MEPE: variants seen among roughly 807,000 people sequenced by gnomAD.
MEPE encodes matrix, extracellular phosphoglycoprotein with ASARM motif (bone).
A neutral mutation model predicts 7.3 loss-of-function variants in MEPE; 7 were observed. The ratio of observed to expected loss-of-function variants is 0.95; its 90% CI spans 0.54 to 1.79. The LOEUF (loss-of-function observed/expected upper bound fraction) is 1.79, where lower values mean the gene tolerates loss of function less well. Ranked by LOEUF, MEPE falls within the 40% of genes most tolerant of loss-of-function variation. The pLI is 0.00. For synonymous variants in MEPE, 214 were observed against 213.1 expected, an observed-to-expected ratio of 1.00 and a Z score of -0.04; for missense variants, 623 against 628.2, an observed-to-expected ratio of 0.99 and a Z score of 0.09.
At position 87,845,786 on chromosome 4, in the gene MEPE, C is replaced by A; in HGVS notation, c.918C>A (p.Ile306=). The A allele has an allele frequency of 2.5e-6, 4 of 1,613,860 alleles. No homozygotes were observed. The highest frequency in any genetic ancestry group is 3.4e-6 in the Non-Finnish European group (4 of 1,179,950). Residue 306 remains isoleucine, a synonymous_variant, in exon 4 of 4, where the codon ATC becomes ATA. Coordinates refer to ENST00000361056, the MANE Select transcript of MEPE (RefSeq NM_020203.6). ...CAAAAAAGCCAGGTTATAATGAGAT[C>A]CCAGAGAGAGAAGAAAATGGTGGAA... ...LDTKKPGYNE[I]PEREENGGNT...
At chr4:87,821,942 C>A (rs1310438881) in intron 1 of MEPE, among the ~76,000 whole-genome samples, 1 of 152,146 alleles carries the variant, frequency 6.6e-6, no homozygotes, top group Non-Finnish European at 1.5e-5. Flanking sequence ...ATATGCAGCA[C>A]AAGACCACTT....
chr4:87,828,604 A>G (rs931952083), upstream of MEPE, among the ~76,000 whole-genome samples: 6 of 152,208 alleles, frequency 3.9e-5, no homozygotes, highest in African/African-American at 1.4e-4. Flanking sequence ...AAAAAGCCTT[A>G]TTCCTGGGTG....
At chr4:87,836,345 G>C (rs1459440462) in intron 2 of MEPE, among the ~76,000 whole-genome samples, 1 of 152,036 alleles carries the variant, frequency 6.6e-6, no homozygotes, top group African/African-American at 2.4e-5. Flanking sequence ...GAAAGACTTT[G>C]TTATAAGTCA....
At position 87,845,862 on chromosome 4, in the gene MEPE, G is replaced by A. The variant is rs977152931; in HGVS notation, c.994G>A (p.Val332Ile). The A allele has an allele frequency of 1.9e-6, 3 of 1,614,060 alleles. No individual in the cohort carries two copies. Among genetic ancestry groups the A allele is most frequent in the Non-Finnish European group, 2.5e-6 (3 of 1,179,974 alleles). The change falls in exon 4 of 4, where the codon GTC (valine) becomes ATC (isoleucine). Residue 332 changes from valine to isoleucine, a missense_variant. Coordinates refer to ENST00000361056, the MANE Select transcript of MEPE (RefSeq NM_020203.6). ...TGCGAAAGAGGCAGATGCTGTTGAT[G>A]TCAGCCTTGTAGAGGGCAGCAACGA... is the stretch of plus-strand genomic sequence containing the variant. ...ETAKEADAVDVSLVEGSNDIM... is the reference protein window; with the variant it reads ...ETAKEADAVDISLVEGSNDIM...
chr4:87,839,512 C>T (rs1263835380), intron 3 of MEPE, among the ~76,000 whole-genome samples: 1 of 152,118 alleles, frequency 6.6e-6, no homozygotes, highest in East Asian at 1.9e-4. Flanking sequence ...AAGTTGCTGT[C>T]TTCGGGAGCC....
At chr4:87,829,851 A>G (rs1327728428), upstream of MEPE, among the ~76,000 whole-genome samples, 1 of 137,316 alleles carries the variant, frequency 7.3e-6, no homozygotes, top group Non-Finnish European at 1.5e-5. Flanking sequence ...GCTCCTTTCT[A>G]TATCACCCAA....
At chr4:87,830,104 T>C (rs1722563803), upstream of MEPE, among the ~76,000 whole-genome samples, 2 of 152,188 alleles carry the variant, frequency 1.3e-5, no homozygotes, top group African/African-American at 4.8e-5. Context: ...CTAAAATCTA[T>C]GCTTGAATGG....
chr4:87,845,956 A>G lies in MEPE; in HGVS notation c.1088A>G (p.Gln363Arg). 6.2e-7 allele frequency: 1 copy of G among 1,614,016 alleles called. No homozygotes were observed. The highest frequency in any genetic ancestry group is 8.5e-7 in the Non-Finnish European group (1 of 1,179,952). The change falls in exon 4 of 4, where the codon CAA (glutamine) becomes CGA (arginine). Residue 363 changes from glutamine to arginine, a missense_variant. Physicochemically the swap from Gln to Arg is conservative, Grantham distance 43. Transcript: ENST00000361056. The part of the protein sequence containing the change: ...REGNRVDAGS[Q>R]NAHQGKVEFH... ...GGAAACAGAGTGGATGCTGGCAGCC[A>G]AAATGCTCACCAAGGGAAGGTTGAG... is the stretch of plus-strand genomic sequence containing the variant.
At chr4:87,840,975 GT>G (rs938715921) in intron 3 of MEPE, among the ~76,000 whole-genome samples, 5 of 152,086 alleles carry the variant, frequency 3.3e-5, no homozygotes, top group South Asian at 4.1e-4. Context: ...TGTAAGAAAA[GT>G]TTTTTTCTAT....
intron 1 of MEPE, among the ~76,000 whole-genome samples, chr4:87,834,407 A>G (rs542704019): frequency 6.6e-6 from 1 of 152,382 alleles, no homozygotes; most frequent in African/African-American, 2.4e-5. Flanking sequence ...AGAAGAGCTG[A>G]TGATAGAGCA....
chr4:87,824,860 T>A (rs968400723), intron 1 of MEPE, among the ~76,000 whole-genome samples: 1 of 152,170 alleles, frequency 6.6e-6, no homozygotes, highest in African/African-American at 2.4e-5. Flanking sequence ...ATTAGTTTTA[T>A]TTTTTGAGAC....
chr4:87,831,631 C>A (rs573446214), upstream of MEPE, among the ~76,000 whole-genome samples: 3 of 152,212 alleles, frequency 2.0e-5, no homozygotes, highest in African/African-American at 7.2e-5. Flanking sequence ...CTCAATCATG[C>A]CTGTGCTTAA....
intron 1 of MEPE, 57 bp from the exon 2 acceptor site, chr4:87,834,646 T>C (rs1192803133): frequency 1.5e-6 from 2 of 1,346,226 alleles, no homozygotes; most frequent in Admixed American, 3.6e-5. Context: ...TCTCTTCTTA[T>C]GGCTGCAGTT....
rs1723277821 is a variant in MEPE at position 87,846,515 on chromosome 4, G to A, written c.*69G>A. ...CACCTGTGAGTTGATGTAGAGGAGA[G>A]CCACCTGACAGCTGACCAGGTGAAG... On this transcript the variant is annotated 3_prime_UTR_variant, in exon 4 of 4. Transcript: ENST00000361056. The A allele has an allele frequency of 6.6e-7, 1 of 1,506,176 alleles. No homozygotes were observed. Among genetic ancestry groups the A allele is most frequent in the Non-Finnish European group, 8.9e-7 (1 of 1,120,194 alleles). 93.3% of individuals were successfully genotyped at this position (1,506,176 alleles called of 1,614,324 possible). A position where few individuals can be genotyped will look rare whatever the true frequency, so the allele number is the denominator to read the frequency against.
At chr4:87,844,125 C>A (rs1560542146) in intron 3 of MEPE, among the ~76,000 whole-genome samples, 1 of 152,162 alleles carries the variant, frequency 6.6e-6, no homozygotes, top group Non-Finnish European at 1.5e-5. Flanking sequence ...CCTTTTAGAG[C>A]CACTTCACTT....
In MEPE at chr4:87,845,005, G is replaced by C; in HGVS notation, c.137G>C (p.Gly46Ala). Reference protein sequence around the residue: ...RQEEKNKDNIGFHHLGKRINQ... With the variant: ...RQEEKNKDNIAFHHLGKRINQ... ...GAAGAAAAAAACAAAGACAATATTG[G>C]TTTTCACCATTTGGGCAAGAGAATA... The change falls in exon 4 of 4, where the codon GGT (glycine) becomes GCT (alanine). Residue 46 changes from glycine (G) to alanine (A), a missense_variant. Transcript: ENST00000361056. 6.3e-7 allele frequency: 1 copy of C among 1,583,048 alleles called. No homozygotes were observed. Among genetic ancestry groups the C allele is most frequent in the Non-Finnish European group, 8.6e-7 (1 of 1,169,024 alleles).
At chr4:87,828,377 G>A (rs1578051917), upstream of MEPE, among the ~76,000 whole-genome samples, 1 of 152,090 alleles carries the variant, frequency 6.6e-6, no homozygotes. Flanking sequence ...TAGAACATAT[G>A]GAAAAGTGTA....
chr4:87,826,961 C>T lies in MEPE; in HGVS notation c.-13+5490C>T, dbSNP rs191349051. Among the ~76,000 whole-genome samples, 22 of 152,238 alleles carry T rather than the reference C, an allele frequency of 1.4e-4. 1 individual carries two copies. The highest frequency in any genetic ancestry group is 5.8e-4 in the East Asian group (3 of 5,188). ...CCATTCTGTGGGTTGTCTATTCACT[C>T]GGATGATAGATTCTTTTGCTGTGCA... On this transcript the variant is annotated intron_variant, in intron 1 of 3. Coordinates refer to the MEPE transcript ENST00000424957.
chr4:87,845,682 A>T lies in MEPE; in HGVS notation c.814A>T (p.Thr272Ser). The stretch of plus-strand genomic sequence containing the variant: ...GGACATTCCTGGTAAAGGAGAAGCT[A>T]CTGGTCCTGACCTAGAAGGCAAAGA... ...FKDIPGKGEA[T>S]GPDLEGKDIQ... is the part of the protein sequence containing the mutation. Residue 272 changes from threonine (T) to serine (S), a missense_variant, in exon 4 of 4, where the codon ACT (threonine) becomes TCT (serine). By Grantham distance (58) the Thr-to-Ser change is moderately conservative. Transcript: ENST00000361056. The T allele has an allele frequency of 6.2e-7, 1 of 1,613,820 alleles. No homozygotes were observed. Among genetic ancestry groups the T allele is most frequent in the South Asian group, 1.1e-5 (1 of 91,022 alleles).
Sources: allele counts gnomAD v4.1 joint callset (sites outside exome capture counted in the v4.1 genomes callset), GRCh38; gene constraint gnomAD v4.1.1; transcripts MANE v1.5; gene names NCBI Gene and HGNC (gene_info 2026-07-23, HGNC 2026-07-21).